SLC22A3: variants seen among roughly 807,000 people sequenced by gnomAD.
SLC22A3 encodes EMT organic cation transporter 3.
A neutral mutation model predicts 59.1 loss-of-function variants in SLC22A3; 51 were observed. The ratio of observed to expected loss-of-function variants is 0.86; its 90% CI spans 0.69 to 1.09. The LOEUF is 1.09. Among genes scored for constraint, SLC22A3 ranks in the 50% least tolerant of loss-of-function variants. SLC22A3 has a pLI of 0.00. For missense variants in SLC22A3, 711 were observed against 726.3 expected (o/e 0.98, Z 0.24); for synonymous variants, 325 against 292.0 (o/e 1.11, Z -1.15).
intron 1 of SLC22A3, among the ~76,000 whole-genome samples, chr6:160,363,305 C>T (rs1484063204): frequency 3.3e-5 from 5 of 152,210 alleles, no homozygotes. Context: ...GTCGTGACCC[C>T]TTGTCTAGGA....
At chr6:160,391,924 A>G (rs1426586282) in intron 1 of SLC22A3, among the ~76,000 whole-genome samples, 1 of 152,208 alleles carries the variant, frequency 6.6e-6, no homozygotes, top group African/African-American at 2.4e-5. Flanking sequence ...TCTCCCTCCT[A>G]TTTCGAAGCT....
At position 160,348,479 on chromosome 6, in the gene SLC22A3, C is replaced by T. The variant is rs769310132; in HGVS notation, c.60C>T (p.Arg20=). The change falls in exon 1 of 11, where the codon CGC becomes CGT. Residue 20 remains arginine (R), a synonymous_variant. Transcript: ENST00000275300. ...RVGEFGRFQR[R]VFLLLCLTGV... ...GCGAGTTCGGGCGCTTCCAGAGGCG[C>T]GTGTTTTTGCTGCTGTGCCTGACGG... 6.4e-7 allele frequency: 1 copy of T among 1,551,064 alleles called. No individual in the cohort carries two copies. The highest frequency in any genetic ancestry group is 8.7e-7 in the Non-Finnish European group (1 of 1,154,248).
At chr6:160,424,560 A>T (rs1787878703) in intron 5 of SLC22A3, among the ~76,000 whole-genome samples, 1 of 152,130 alleles carries the variant, frequency 6.6e-6, no homozygotes, top group Admixed American at 6.5e-5. Context: ...GGATCCCTTC[A>T]TTTCTTTCAT....
In SLC22A3 at chr6:160,348,556, C is replaced by T. The variant is rs1322413405; in HGVS notation, c.137C>T (p.Pro46Leu). 1.3e-6 allele frequency: 2 copies of T among 1,549,848 alleles called. No homozygotes were observed. The highest frequency in any genetic ancestry group is 1.7e-6 in the Non-Finnish European group (2 of 1,157,758). Residue 46 changes from proline (P) to leucine (L), a missense_variant, in exon 1 of 11, where the codon CCC becomes CTC. Transcript: ENST00000275300. ...FVGVVFLGTQ[P>L]DHYWCRGPSA... is the part of the protein sequence containing the mutation. The stretch of plus-strand genomic sequence containing the variant: ...GGCGTGGTCTTCCTGGGCACGCAGC[C>T]CGACCACTACTGGTGCCGCGGGCCA...
At chr6:160,443,607 T>C (rs1788630070) in intron 8 of SLC22A3, 23 bp from the exon 9 acceptor site, 3 of 1,512,236 alleles carry the variant, frequency 2.0e-6, no homozygotes, top group Non-Finnish European at 2.8e-6. Context: ...AGTTTTCACT[T>C]AAAATTACTT....
intron 5 of SLC22A3, among the ~76,000 whole-genome samples, chr6:160,433,167 T>G (rs1468985457): frequency 6.6e-6 from 1 of 152,204 alleles, no homozygotes; most frequent in Non-Finnish European, 1.5e-5. Context: ...TATATAGCCC[T>G]TTGCAGAAAA....
rs974334443 is a variant in SLC22A3 at position 160,406,896 on chromosome 6, C to T, written c.534-145C>T. 1.5e-5 allele frequency: 14 copies of T among 955,940 alleles called. No individual in the cohort carries two copies. In the African/African-American group the frequency reaches 2.4e-4, roughly 16 times the overall value. 59.2% of individuals were successfully genotyped at this position (955,940 alleles called of 1,614,324 possible). A position where few individuals can be genotyped will look rare whatever the true frequency, so the allele number is the denominator to read the frequency against. On this transcript the variant is annotated intron_variant, in intron 2 of 10. Transcript: ENST00000275300. Reference sequence around the variant, plus strand: ...TTCCAGCCTAGGCAACATAGGGACACCCTGTCTCTACAAAACATCTTTAAA... The same window carrying T: ...TTCCAGCCTAGGCAACATAGGGACATCCTGTCTCTACAAAACATCTTTAAA...
chr6:160,399,321 C>T (rs1478242255), intron 2 of SLC22A3, among the ~76,000 whole-genome samples: 1 of 152,094 alleles, frequency 6.6e-6, no homozygotes, highest in Non-Finnish European at 1.5e-5. Flanking sequence ...TTTTTGCTGG[C>T]TACAATTTGG....
rs1787218497 is a variant in SLC22A3 at position 160,410,846 on chromosome 6, G to C, written c.975G>C (p.Glu325Asp). Residue 325 changes from glutamate to aspartate, a missense_variant and splice_region_variant, in exon 5 of 11, where the codon GAG (glutamate) becomes GAC (aspartate). By Grantham distance (45) the Glu-to-Asp change is conservative. Coordinates refer to ENST00000275300, the MANE Select transcript of SLC22A3 (RefSeq NM_021977.4). ...AATACCTCTCATCAAATTACTCAGA[G>C]GTAATTTCTTTCAGTATGAGTAACA... ...NGKYLSSNYSEITVTDEEVSN... is the reference protein window; with the variant it reads ...NGKYLSSNYSDITVTDEEVSN... The C allele has an allele frequency of 1.3e-6, 2 of 1,565,360 alleles. No individual in the cohort carries two copies. Among genetic ancestry groups the C allele is most frequent in the African/African-American group, 2.7e-5 (2 of 73,980 alleles).
intron 7 of SLC22A3, among the ~76,000 whole-genome samples, chr6:160,442,354 C>T (rs946573521): frequency 2.6e-5 from 4 of 152,160 alleles, no homozygotes; most frequent in African/African-American, 9.7e-5. Flanking sequence ...GCAAGGTATG[C>T]ACAGAAAGGA....
intron 7 of SLC22A3, among the ~76,000 whole-genome samples, chr6:160,437,628 G>C (rs1200546474): frequency 1.3e-5 from 2 of 152,138 alleles, no homozygotes; most frequent in Non-Finnish European, 2.9e-5. Flanking sequence ...TCTATTAAGG[G>C]ATACAGATAC....
intron 5 of SLC22A3, among the ~76,000 whole-genome samples, chr6:160,424,091 A>T (rs538938989): frequency 1.3e-5 from 2 of 152,252 alleles, no homozygotes; most frequent in South Asian, 4.1e-4. Context: ...GGAATCCTGG[A>T]TGTTCTTGTT....
At position 160,348,861 on chromosome 6, in the gene SLC22A3, C is replaced by A; in HGVS notation, c.429+13C>A. 1 of 1,571,362 alleles carries A rather than the reference C, an allele frequency of 6.4e-7. No individual in the cohort carries two copies. Among genetic ancestry groups the A allele is most frequent in the Non-Finnish European group, 8.6e-7 (1 of 1,166,978 alleles). On this transcript the variant is annotated intron_variant, in intron 1 of 10. Coordinates refer to ENST00000275300, the MANE Select transcript of SLC22A3 (RefSeq NM_021977.4). ...CATCGTCAGCGAGGTAAGGGCGCCC[C>A]GGCCCTTTGGAAGCCGGCGGGAGAG...
In SLC22A3 at chr6:160,443,747, G is replaced by T. The variant is rs1484191517; in HGVS notation, c.1510+5G>T. On this transcript the variant is annotated splice_donor_5th_base_variant and intron_variant, in intron 9 of 10. Transcript: ENST00000275300. ...AACTACCTCTGATCATCTTTGGTAA[G>T]AACTCATTTGCTATTCTTAAGAGCC... 3 of 1,573,740 alleles carry T rather than the reference G, an allele frequency of 1.9e-6. No homozygotes were observed. The highest frequency in any genetic ancestry group is 1.2e-5 in the South Asian group (1 of 86,892).
At chr6:160,407,333 C>T in intron 3 of SLC22A3, 138 bp downstream of exon 3, 1 of 886,192 alleles carries the variant, frequency 1.1e-6, no homozygotes, top group East Asian at 2.6e-5. Context: ...ATTATTTCTG[C>T]AGATGGGAGA....
intron 1 of SLC22A3, among the ~76,000 whole-genome samples, chr6:160,356,157 C>T (rs1269906443): frequency 6.6e-6 from 1 of 152,222 alleles, no homozygotes; most frequent in African/African-American, 2.4e-5. Context: ...GGTGTTGCTT[C>T]CTGTTGACTC....
At chr6:160,357,223 A>G (rs1284961867) in intron 1 of SLC22A3, among the ~76,000 whole-genome samples, 1 of 152,236 alleles carries the variant, frequency 6.6e-6, no homozygotes, top group Non-Finnish European at 1.5e-5. Flanking sequence ...CCTCTGTCAT[A>G]GGACTGCTAT....
rs1048334295 is a variant in SLC22A3, at chr6:160,438,467, C to A, written c.1288+1256C>A. Among the ~76,000 whole-genome samples the A allele has an allele frequency of 9.9e-5, 15 of 152,218 alleles. No individual in the cohort carries two copies. The Middle Eastern group carries it at 0.017, about 173-fold the overall frequency. On this transcript the variant is annotated intron_variant, in intron 7 of 10. Transcript: ENST00000275300. ...AAGAAATGGACAATATAGTGGGAGT[C>A]AGAACAGTCAGACATTTACAGATGA...
chr6:160,438,569 C>T (rs2114917616), intron 7 of SLC22A3, among the ~76,000 whole-genome samples: 1 of 138,436 alleles, frequency 7.2e-6, no homozygotes, highest in East Asian at 2.2e-4. Context: ...ACAGGAATGC[C>T]AATATTCGGA....
Sources: allele counts gnomAD v4.1 joint callset (sites outside exome capture counted in the v4.1 genomes callset), GRCh38; gene constraint gnomAD v4.1.1; transcripts MANE v1.5; gene names NCBI Gene and HGNC (gene_info 2026-07-23, HGNC 2026-07-21).